Variants in BRAP observed in about 807,000 individuals in gnomAD.
BRAP encodes the protein BRCA1 associated protein, also known as BRCA1-associated protein.
A neutral mutation model predicts 73.4 loss-of-function variants in BRAP; 42 were observed. The observed-to-expected ratio is 0.57, with a 90% confidence interval of 0.45 to 0.74. BRAP has a LOEUF of 0.74. Among genes scored for constraint, BRAP ranks in the 30% least tolerant of loss-of-function variants. The pLI, the probability that BRAP is intolerant of heterozygous loss-of-function variation, is 0.00. For missense variants in BRAP, 593 were observed against 751.4 expected, an observed-to-expected ratio of 0.79 and a Z score of 2.46; for synonymous variants, 255 against 267.4, an observed-to-expected ratio of 0.95 and a Z score of 0.45.
chr12:111,660,170 G>A (rs1268763210), intron 7 of BRAP, among the ~76,000 whole-genome samples: 1 of 151,664 alleles, frequency 6.6e-6, no homozygotes. Context: ...TGCTTTTATG[G>A]GTCATTTTTT....
rs958531534 is a variant in BRAP at position 111,643,973 on chromosome 12, T to C, written c.*226A>G. On this transcript the variant is annotated 3_prime_UTR_variant, in exon 12 of 12. Transcript: ENST00000419234. The stretch of plus-strand genomic sequence containing the variant: ...CAAAATGGTCATTAGAATGTGAGGT[T>C]AGTGAACTCTTAAGACCTTTTCGAA... The C allele has an allele frequency of 3.3e-6, 2 of 603,326 alleles. No individual in the cohort carries two copies. Among genetic ancestry groups the C allele is most frequent in the Non-Finnish European group, 5.4e-6 (2 of 367,866 alleles). The allele number at this position is 603,326 out of a possible 1,614,324, so 37.4% of individuals were successfully genotyped here.
chr12:111,661,605 A>G (rs182739608), intron 6 of BRAP, among the ~76,000 whole-genome samples: 5 of 151,814 alleles, frequency 3.3e-5, no homozygotes, highest in East Asian at 3.9e-4. Flanking sequence ...TCCAACAAAC[A>G]ACCTGCCTTA....
chr12:111,656,266 G>C (rs893380837), intron 9 of BRAP, among the ~76,000 whole-genome samples: 1 of 152,218 alleles, frequency 6.6e-6, no homozygotes, highest in African/African-American at 2.4e-5. Flanking sequence ...GACAGATGGC[G>C]TATGACAGTA....
At chr12:111,655,121 C>A (rs919223446) in intron 10 of BRAP, among the ~76,000 whole-genome samples, 1 of 152,072 alleles carries the variant, frequency 6.6e-6, no homozygotes, top group Admixed American at 6.6e-5. Context: ...TGCCCTAGAC[C>A]TTCAGGGTGA....
At chr12:111,655,509 C>T (rs1183981001) in intron 10 of BRAP, 57 bp downstream of exon 10, 2 of 1,380,884 alleles carry the variant, frequency 1.4e-6, no homozygotes, top group African/African-American at 1.4e-5. Context: ...CCACACCCCC[C>T]ATCAGAGTGC....
At chr12:111,662,957 A>C (rs55914092) in intron 6 of BRAP, among the ~76,000 whole-genome samples, 2,330 of 151,630 alleles carry the variant, frequency 0.015, 70 homozygotes, top group African/African-American at 0.053. Flanking sequence ...AAAAAAAAAA[A>C]AAACAAAAAA....
At chr12:111,668,215 C>T (rs1258319965) in intron 5 of BRAP, among the ~76,000 whole-genome samples, 2 of 151,970 alleles carry the variant, frequency 1.3e-5, no homozygotes, top group Non-Finnish European at 1.5e-5. Flanking sequence ...TGGGTCGGGG[C>T]GGGGTGTGGG....
intron 6 of BRAP, among the ~76,000 whole-genome samples, chr12:111,663,699 A>G (rs1886836714): frequency 6.6e-6 from 1 of 152,110 alleles, no homozygotes; most frequent in Non-Finnish European, 1.5e-5. Flanking sequence ...GTCCAAGTGT[A>G]AACTCTCTTA....
chr12:111,669,743 A>G (rs1887095406), intron 5 of BRAP: 1 of 298,134 alleles, frequency 3.4e-6, no homozygotes, highest in South Asian at 7.4e-5. Flanking sequence ...AAAAAATGAA[A>G]GAGAAAAAAA....
At chr12:111,646,000 C>T (rs73203614) in intron 11 of BRAP, among the ~76,000 whole-genome samples, 2 of 151,990 alleles carry the variant, frequency 1.3e-5, no homozygotes, top group African/African-American at 2.4e-5. Context: ...AAACAAACAA[C>T]CCATACCATC....
chr12:111,681,879 T>A, intron 2 of BRAP, 44 bp from the exon 3 acceptor site: 1 of 1,521,590 alleles, frequency 6.6e-7, no homozygotes, highest in Non-Finnish European at 8.9e-7. Context: ...GGATAGGACA[T>A]ATGCTGAAGG....
intron 3 of BRAP, 145 bp from the exon 4 acceptor site, chr12:111,679,485 T>C: frequency 6.1e-6 from 3 of 491,618 alleles, no homozygotes; most frequent in Non-Finnish European, 9.7e-6. Context: ...ATACCCCCCA[T>C]TGGACTTTTT....
At chr12:111,676,174 G>C (rs1887373729) in intron 4 of BRAP, among the ~76,000 whole-genome samples, 1 of 151,980 alleles carries the variant, frequency 6.6e-6, no homozygotes. Context: ...CACCACACCT[G>C]GCCTCACAAC....
intron 2 of BRAP, 40 bp from the exon 3 acceptor site, chr12:111,681,875 G>A: frequency 6.5e-7 from 1 of 1,531,112 alleles, no homozygotes; most frequent in Non-Finnish European, 8.9e-7. Context: ...AAATGGATAG[G>A]ACATATGCTG....
chr12:111,658,777 C>T lies in BRAP; in HGVS notation c.1180G>A (p.Asp394Asn), dbSNP rs998031891. Reference protein sequence around the residue: ...GKIVQYECEGDTCQEEKIDAL... With the variant: ...GKIVQYECEGNTCQEEKIDAL... Reference sequence around the variant, plus strand: ...TCTATTTTCTCTTCCTGGCAAGTATCCCCCTCACATTCATACTGTACTATT... The same window carrying T: ...TCTATTTTCTCTTCCTGGCAAGTATTCCCCTCACATTCATACTGTACTATT... Residue 394 changes from aspartate (D) to asparagine (N), a missense_variant, in exon 9 of 12, where the codon GAT (aspartate) becomes AAT (asparagine). By Grantham distance (23) the Asp-to-Asn change is conservative. Around this residue, in one of 4 missense-constraint regions of BRAP, gnomAD observed 143 missense variants for 190.4 expected, o/e 0.75. Transcript: ENST00000419234. 1.9e-5 allele frequency: 30 copies of T among 1,612,012 alleles called. No homozygotes were observed. Among genetic ancestry groups the T allele is most frequent in the Non-Finnish European group, 2.1e-5 (25 of 1,178,374 alleles).
intron 10 of BRAP, among the ~76,000 whole-genome samples, chr12:111,651,674 G>A (rs1209482666): frequency 9.5e-6 from 1 of 104,770 alleles, no homozygotes; most frequent in African/African-American, 3.9e-5. Context: ...GTCTTGTTCT[G>A]TCACCCAGGC....
Position 111,665,640 on chromosome 12 carries a change from T to G in BRAP, c.895A>C (p.Thr299Pro). The G allele has an allele frequency of 3.7e-6, 6 of 1,614,146 alleles. No individual in the cohort carries two copies. The highest frequency in any genetic ancestry group is 5.1e-6 in the Non-Finnish European group (6 of 1,180,030). Residue 299 changes from threonine to proline, a missense_variant and splice_region_variant, in exon 6 of 12, where the codon ACG becomes CCG. Transcript: ENST00000419234. This position sits in a 1 kb window ranked among gnomAD's most constrained non-coding sequence, Gnocchi z 4.3. ...SQCLQRWDDT[T>P]CPVCRYCQTP... ...GAGGGGTTCGGCCCCTGCACTCACG[T>G]GGTATCGTCCCAGCGCTGTAGACAC...
At position 111,685,855 on chromosome 12, in the gene BRAP, A is replaced by G; in HGVS notation, c.-63T>C. 8.7e-7 allele frequency: 1 copy of G among 1,143,404 alleles called. No homozygotes were observed. The highest frequency in any genetic ancestry group is 1.1e-6 in the Non-Finnish European group (1 of 887,762). The allele number at this position is 1,143,404 out of a possible 1,614,324, so 70.8% of individuals were successfully genotyped here. A position where few individuals can be genotyped will look rare whatever the true frequency, so the allele number is the denominator to read the frequency against. On this transcript the variant is annotated 5_prime_UTR_variant, in exon 1 of 12. Coordinates refer to ENST00000419234, the MANE Select transcript of BRAP (RefSeq NM_006768.5). ...AGGCGAGGCTGGAAGGCGAGCCGAG[A>G]GGCCGAGCGGCCCGGGGCCGGCAGC...
chr12:111,657,722 A>G (rs979582067), intron 9 of BRAP, among the ~76,000 whole-genome samples: 7 of 152,064 alleles, frequency 4.6e-5, no homozygotes, highest in African/African-American at 1.7e-4. Flanking sequence ...TACTAAAAAT[A>G]CAAAAAATTA....
Sources: gnomAD v4.1 joint callset for allele counts (sites outside exome capture counted in the v4.1 genomes callset) on GRCh38, gnomAD v4.1.1 for gene constraint, gnomAD v4.1.1 regional missense constraint, Gnocchi (gnomAD v3.1) non-coding constraint, MANE v1.5 for transcripts, NCBI Gene and HGNC (gene_info 2026-07-23, HGNC 2026-07-21) for gene names.